Variants in DLG2 observed in about 807,000 individuals in gnomAD.
DLG2 encodes disks large homolog 2.
In DLG2, 45 loss-of-function variants were observed where a neutral mutation model predicts 132.5. That is an observed-to-expected ratio of 0.34 (90% CI 0.27 to 0.44). DLG2 has a LOEUF of 0.44. Ranked by LOEUF, DLG2 falls within the 20% of genes least tolerant of loss-of-function variation. DLG2 has a pLI of 1.00. For synonymous variants in DLG2, 424 were observed against 419.6 expected (o/e 1.01, Z -0.13); for missense variants, 1,045 against 1,196.9 (o/e 0.87, Z 1.87).
At chr11:84,699,333 C>T (rs989156806) in intron 6 of DLG2, among the ~76,000 whole-genome samples, 34 of 151,588 alleles carry the variant, frequency 2.2e-4, no homozygotes, top group African/African-American at 8.2e-4. Flanking sequence ...GAAATAATGT[C>T]GTTAAAGTGT....
At chr11:84,112,750 C>T (rs530558262) in intron 9 of DLG2, among the ~76,000 whole-genome samples, 1 of 152,256 alleles carries the variant, frequency 6.6e-6, no homozygotes, top group African/African-American at 2.4e-5. Context: ...CTTGACTAGG[C>T]AAGAGGGATG....
intron 6 of DLG2, among the ~76,000 whole-genome samples, chr11:84,859,936 A>G (rs1206675664): frequency 1.3e-5 from 2 of 152,110 alleles, no homozygotes; most frequent in Non-Finnish European, 2.9e-5. Flanking sequence ...AGCCTCTCTG[A>G]CTTCTTGAAC....
intron 15 of DLG2, among the ~76,000 whole-genome samples, chr11:83,903,892 T>C (rs1404464623): frequency 6.6e-6 from 1 of 152,156 alleles, no homozygotes; most frequent in Non-Finnish European, 1.5e-5. Flanking sequence ...CAGGTGGTAA[T>C]GGACCCTACA....
intron 3 of DLG2, among the ~76,000 whole-genome samples, chr11:85,340,669 G>A (rs560514137): frequency 5.1e-4 from 77 of 152,062 alleles, no homozygotes; most frequent in Non-Finnish European, 9.3e-4. Context: ...TTTTTAAAAA[G>A]AATATTAGCC....
chr11:85,405,817 G>A (rs890692279), intron 3 of DLG2, among the ~76,000 whole-genome samples: 2 of 151,920 alleles, frequency 1.3e-5, no homozygotes, highest in Non-Finnish European at 1.5e-5. Context: ...TGAAAGAAAA[G>A]TATTGAATCC....
chr11:84,764,407 A>G (rs1370017475), intron 6 of DLG2, among the ~76,000 whole-genome samples: 2 of 152,160 alleles, frequency 1.3e-5, no homozygotes, highest in Non-Finnish European at 2.9e-5. Context: ...CAGTTGTTCT[A>G]GTCAATATTT....
intron 6 of DLG2, among the ~76,000 whole-genome samples, chr11:84,986,348 G>C (rs1397660072): frequency 6.6e-6 from 1 of 152,060 alleles, no homozygotes; most frequent in Non-Finnish European, 1.5e-5. Context: ...GCAGAATCCT[G>C]ACAGACAATC....
intron 6 of DLG2, among the ~76,000 whole-genome samples, chr11:84,769,634 C>G (rs2068953979): frequency 2.0e-5 from 3 of 152,036 alleles, no homozygotes; most frequent in African/African-American, 7.2e-5. Flanking sequence ...TAGAGAACAC[C>G]TGTAAGATAC....
chr11:85,487,806 G>A (rs1231091774), intron 3 of DLG2, among the ~76,000 whole-genome samples: 1 of 152,146 alleles, frequency 6.6e-6, no homozygotes, highest in East Asian at 1.9e-4. Context: ...AGATACAGGA[G>A]GCTCAGTGAT....
At chr11:85,064,399 T>A (rs2064572407) in intron 6 of DLG2, among the ~76,000 whole-genome samples, 1 of 151,808 alleles carries the variant, frequency 6.6e-6, no homozygotes, top group Admixed American at 6.6e-5. Flanking sequence ...CTCCTTGTTC[T>A]CCTTTTCCTC....
At chr11:85,301,709 C>G (rs567778463) in intron 3 of DLG2, among the ~76,000 whole-genome samples, 72 of 152,276 alleles carry the variant, frequency 4.7e-4, no homozygotes, top group African/African-American at 1.7e-3. Context: ...AAGCTTTCCA[C>G]TACAGTCATA....
rs562781135 is a variant in DLG2 at position 83,520,818 on chromosome 11, T to C, written c.2193+11890A>G. Among the ~76,000 whole-genome samples, 11 of 152,320 alleles carry C rather than the reference T, an allele frequency of 7.2e-5. No individual in the cohort carries two copies. The South Asian group carries it at 2.1e-3, about 29-fold the overall frequency. ...TAGCCTTCATGCTATGACTCTTGTGTAGCTCGCATCTTAATGAGGTAAGTT... is the reference window on the plus strand; with the variant it reads ...TAGCCTTCATGCTATGACTCTTGTGCAGCTCGCATCTTAATGAGGTAAGTT... On this transcript the variant is annotated intron_variant, in intron 21 of 27. Transcript: ENST00000376104.
chr11:85,321,609 G>A (rs1379432775), intron 3 of DLG2, among the ~76,000 whole-genome samples: 2 of 152,028 alleles, frequency 1.3e-5, no homozygotes, highest in Non-Finnish European at 2.9e-5. Context: ...TAAACAGGAA[G>A]ATCTAGGTAA....
intron 4 of DLG2, among the ~76,000 whole-genome samples, chr11:85,269,840 G>A (rs1004018804): frequency 8.6e-5 from 13 of 152,014 alleles, no homozygotes; most frequent in African/African-American, 3.1e-4. Context: ...GTGTAATGTT[G>A]AGAAATTATT....
chr11:84,279,405 C>T (rs2154369368), intron 7 of DLG2, among the ~76,000 whole-genome samples: 1 of 152,230 alleles, frequency 6.6e-6, no homozygotes, highest in Non-Finnish European at 1.5e-5. Context: ...TGTGGCGATT[C>T]CTCAAGGACC....
intron 8 of DLG2, among the ~76,000 whole-genome samples, chr11:84,189,309 T>TA (rs1316945181): frequency 6.6e-6 from 1 of 152,168 alleles, no homozygotes; most frequent in Non-Finnish European, 1.5e-5. Flanking sequence ...TGACTATTAT[T>TA]AAAAAGTGAA....
intron 3 of DLG2, among the ~76,000 whole-genome samples, chr11:85,373,921 C>A (rs1166843578): frequency 1.3e-5 from 2 of 152,128 alleles, no homozygotes; most frequent in Non-Finnish European, 2.9e-5. Flanking sequence ...TTTCAGAGCT[C>A]CTGTGGATCA....
At chr11:85,213,889 CAGA>C (rs2082406755) in intron 4 of DLG2, among the ~76,000 whole-genome samples, 1 of 152,072 alleles carries the variant, frequency 6.6e-6, no homozygotes, top group Non-Finnish European at 1.5e-5. Context: ...GAACCTTAGA[CAGA>C]AGGTGATAGT....
chr11:84,408,652 T>C (rs1601609074), intron 7 of DLG2, among the ~76,000 whole-genome samples: 1 of 152,146 alleles, frequency 6.6e-6, no homozygotes, highest in African/African-American at 2.4e-5. Flanking sequence ...TCCTACCAAG[T>C]TGGACTAGCA....
Sources: allele counts gnomAD v4.1 joint callset (sites outside exome capture counted in the v4.1 genomes callset), GRCh38; gene constraint gnomAD v4.1.1; transcripts MANE v1.5; gene names NCBI Gene and HGNC (gene_info 2026-07-23, HGNC 2026-07-21).